Variants in SLC25A48 observed in about 807,000 individuals in gnomAD.
SLC25A48 encodes CTC-321K16.1.
In SLC25A48, 29 loss-of-function variants were observed where a neutral mutation model predicts 32.2. The ratio of observed to expected loss-of-function variants is 0.90; its 90% CI spans 0.67 to 1.23. SLC25A48 has a LOEUF of 1.23. Ranked by LOEUF, SLC25A48 falls within the 50% of genes most tolerant of loss-of-function variation. The pLI, the probability that SLC25A48 is intolerant of heterozygous loss-of-function variation, is 0.00. For synonymous variants in SLC25A48, 164 were observed against 172.3 expected (o/e 0.95, Z 0.38); for missense variants, 399 against 422.7 (o/e 0.94, Z 0.49).
intron 2 of SLC25A48, among the ~76,000 whole-genome samples, chr5:135,845,580 C>G (rs1273777909): frequency 6.6e-6 from 1 of 152,210 alleles, no homozygotes; most frequent in Non-Finnish European, 1.5e-5. Flanking sequence ...GGCCTTATCA[C>G]CTACTCTCCA....
At chr5:135,595,812 G>C (rs59064757) in intron 1 of SLC25A48, among the ~76,000 whole-genome samples, 6,118 of 152,280 alleles carry the variant, frequency 0.04, 414 homozygotes, top group African/African-American at 0.14. Flanking sequence ...CATAGTACAT[G>C]CTCCATACCT....
intron 3 of SLC25A48, among the ~76,000 whole-genome samples, chr5:135,666,354 G>C (rs1468395135): frequency 2.0e-5 from 3 of 152,154 alleles, no homozygotes; most frequent in African/African-American, 7.2e-5. Context: ...CCAGGAAATA[G>C]TGATGCAGTT....
At chr5:135,839,052 T>C (rs1180416380) in intron 1 of SLC25A48, among the ~76,000 whole-genome samples, 1 of 152,256 alleles carries the variant, frequency 6.6e-6, no homozygotes, top group Non-Finnish European at 1.5e-5. Context: ...ATTGCCAGCC[T>C]CATGGGTATT....
At chr5:135,730,783 G>T (rs775654797) in intron 3 of SLC25A48, among the ~76,000 whole-genome samples, 1 of 152,214 alleles carries the variant, frequency 6.6e-6, no homozygotes, top group Non-Finnish European at 1.5e-5. Context: ...CCAGGCTGAG[G>T]TGGTCTTAGA....
intron 1 of SLC25A48, among the ~76,000 whole-genome samples, chr5:135,591,383 C>T (rs988062618): frequency 2.6e-5 from 4 of 152,136 alleles, no homozygotes; most frequent in Admixed American, 6.5e-5. Context: ...CTTGGATGTT[C>T]GGGGGATGGT....
At chr5:135,639,154 G>A (rs946075271) in intron 3 of SLC25A48, among the ~76,000 whole-genome samples, 2 of 152,180 alleles carry the variant, frequency 1.3e-5, no homozygotes, top group African/African-American at 4.8e-5. Flanking sequence ...CATTCAATAT[G>A]TTCTTTTGGG....
intron 3 of SLC25A48, among the ~76,000 whole-genome samples, chr5:135,798,349 C>A (rs1291504896): frequency 6.6e-6 from 1 of 151,064 alleles, no homozygotes; most frequent in Non-Finnish European, 1.5e-5. Flanking sequence ...TTCCTAATAT[C>A]CAGAGAGGGA....
At chr5:135,746,508 G>A (rs1006652310) in intron 3 of SLC25A48, among the ~76,000 whole-genome samples, 5 of 152,164 alleles carry the variant, frequency 3.3e-5, no homozygotes, top group African/African-American at 7.2e-5. Flanking sequence ...GTGCATTTCC[G>A]CCTTGCAGGT....
intron 3 of SLC25A48, chr5:135,742,640 A>G (rs1305099301): frequency 1.3e-5 from 8 of 609,864 alleles, no homozygotes; most frequent in Non-Finnish European, 2.3e-5. Context: ...CGAACCTCGA[A>G]TGTCACTCTT....
At chr5:135,685,361 CTT>C (rs533247535) in intron 3 of SLC25A48, among the ~76,000 whole-genome samples, 2 of 148,434 alleles carry the variant, frequency 1.3e-5, no homozygotes, top group African/African-American at 5.0e-5. Context: ...AAATTCGACT[CTT>C]GTAATAGAAA....
At chr5:135,793,344 G>T (rs902263489) in intron 3 of SLC25A48, among the ~76,000 whole-genome samples, 2 of 151,060 alleles carry the variant, frequency 1.3e-5, no homozygotes, top group Non-Finnish European at 3.0e-5. Context: ...GTCACAGAGG[G>T]TGTACATCAT....
chr5:135,677,337 C>G (rs1365286969), intron 3 of SLC25A48, among the ~76,000 whole-genome samples: 1 of 151,622 alleles, frequency 6.6e-6, no homozygotes, highest in Non-Finnish European at 1.5e-5. Context: ...TAGGTAAAGT[C>G]TATGTTTTTT....
chr5:135,645,804 A>G (rs772767095), intron 3 of SLC25A48, among the ~76,000 whole-genome samples: 1 of 152,204 alleles, frequency 6.6e-6, no homozygotes, highest in Admixed American at 6.5e-5. Context: ...AGAGACTTTA[A>G]TCTGCTCTCT....
At chr5:135,789,204 C>CATGTTG (rs1281972003) in intron 3 of SLC25A48, among the ~76,000 whole-genome samples, 1,670 of 148,574 alleles carry the variant, frequency 0.011, 37 homozygotes, top group African/African-American at 0.032. Context: ...ACACCCTCCC[C>CATGTTG]CGCCACGATA....
intron 1 of SLC25A48, among the ~76,000 whole-genome samples, chr5:135,580,715 C>T (rs1209240001): frequency 6.6e-6 from 1 of 151,784 alleles, no homozygotes. Context: ...ACACGTTTGC[C>T]CAGAAAAATC....
At chr5:135,858,970 G>A (rs1303290514) in intron 4 of SLC25A48, among the ~76,000 whole-genome samples, 4 of 152,022 alleles carry the variant, frequency 2.6e-5, no homozygotes, top group African/African-American at 9.7e-5. Context: ...GAAGGGAGGG[G>A]AGGCTGACAA....
chr5:135,731,355 A>T (rs777662564), intron 3 of SLC25A48, among the ~76,000 whole-genome samples: 7 of 152,186 alleles, frequency 4.6e-5, no homozygotes, highest in Non-Finnish European at 8.8e-5. Context: ...AGGGGATATG[A>T]TGGCTTAGCT....
intron 1 of SLC25A48, among the ~76,000 whole-genome samples, chr5:135,837,033 G>T (rs543461204): frequency 7.5e-6 from 1 of 134,218 alleles, no homozygotes; most frequent in Non-Finnish European, 1.5e-5. Context: ...AAGTGCCAAG[G>T]TCTGGAAATC....
chr5:135,587,214 T>C (rs1336195213), intron 1 of SLC25A48, among the ~76,000 whole-genome samples: 1 of 152,122 alleles, frequency 6.6e-6, no homozygotes, highest in African/African-American at 2.4e-5. Flanking sequence ...AATTTTCTTG[T>C]AGAGACGGGG....
Sources: allele counts gnomAD v4.1 joint callset (sites outside exome capture counted in the v4.1 genomes callset), GRCh38; gene constraint gnomAD v4.1.1; transcripts MANE v1.5; gene names NCBI Gene and HGNC (gene_info 2026-07-23, HGNC 2026-07-21).